Variants in KRT77 observed in about 807,000 individuals in gnomAD.
KRT77 encodes the protein keratin 77.
KRT77 carries 44 observed loss-of-function variants against 51.5 expected under a neutral mutation model. The observed-to-expected ratio is 0.85, with a 90% confidence interval of 0.67 to 1.10. KRT77 has a LOEUF of 1.10. Among genes scored for constraint, KRT77 ranks in the 50% least tolerant of loss-of-function variants. KRT77 has a pLI of 0.00. For missense variants in KRT77, 763 were observed against 743.9 expected (o/e 1.03, Z -0.30); for synonymous variants, 293 against 302.0 (o/e 0.97, Z 0.31).
chr12:52,690,791 G>A lies in KRT77; in HGVS notation c.*374C>T, dbSNP rs1295632923. 8.0e-6 allele frequency: 3 copies of A among 376,438 alleles called. No individual in the cohort carries two copies. 23.3% of individuals were successfully genotyped at this position (376,438 alleles called of 1,614,324 possible). A position where few individuals can be genotyped will look rare whatever the true frequency, so the allele number is the denominator to read the frequency against. On this transcript the variant is annotated 3_prime_UTR_variant, in exon 9 of 9. Transcript: ENST00000341809. ...TAAGGGCATTCTACTTGGAGGCAGA[G>A]GAATGATAACAATGACTTCTCCCTA...
intron 1 of KRT77, among the ~76,000 whole-genome samples, chr12:52,701,821 A>G (rs1185055154): frequency 6.6e-6 from 1 of 152,020 alleles, no homozygotes; most frequent in African/African-American, 2.4e-5. Flanking sequence ...CTCAGACAGA[A>G]CCCTACATTG....
At chr12:52,702,736 C>T (rs1941903153) in intron 1 of KRT77, among the ~76,000 whole-genome samples, 156 bp downstream of exon 1, 1 of 152,040 alleles carries the variant, frequency 6.6e-6, no homozygotes, top group Non-Finnish European at 1.5e-5. Context: ...AATTAAATCC[C>T]TGCAAGAAGA....
Position 52,700,925 on chromosome 12 carries a change from CAG to C in KRT77, c.543+1965_543+1966del, listed in dbSNP as rs137952864. Reference sequence around the variant, plus strand: ...AAAGCAGGAAGACCAGTTTGGAAAGCAGAGTCAGAAGTCACCTGTCATAGAAG... The same window carrying C: ...AAAGCAGGAAGACCAGTTTGGAAAGCAGTCAGAAGTCACCTGTCATAGAAG... On this transcript the variant is annotated intron_variant, in intron 1 of 8. Transcript: ENST00000341809. 2.7e-4 allele frequency among the ~76,000 whole-genome samples: 41 copies of C among 152,324 alleles called. No homozygotes were observed. In the East Asian group the frequency reaches 7.5e-3, roughly 28 times the overall value.
chr12:52,701,079 C>T (rs1045739051), intron 1 of KRT77, among the ~76,000 whole-genome samples: 3 of 152,234 alleles, frequency 2.0e-5, no homozygotes, highest in African/African-American at 7.2e-5. Flanking sequence ...GCCCACTGCC[C>T]TATGCCATGC....
At chr12:52,692,916 T>A (rs1230684202) in intron 5 of KRT77, 36 bp from the exon 6 acceptor site, 1 of 1,598,430 alleles carries the variant, frequency 6.3e-7, no homozygotes, top group Non-Finnish European at 8.6e-7. Context: ...CAGCATGTGC[T>A]GCCCACCACA....
chr12:52,698,813 C>G (rs529523795), intron 1 of KRT77, among the ~76,000 whole-genome samples: 1 of 152,244 alleles, frequency 6.6e-6, no homozygotes, highest in African/African-American at 2.4e-5. Context: ...CGCATGCAGG[C>G]GCACACGCCC....
At position 52,703,031 on chromosome 12, in the gene KRT77, C is replaced by T; in HGVS notation, c.404G>A (p.Gly135Asp). ...GGFGPYCPPG[G>D]IQEVTINQSL... The stretch of plus-strand genomic sequence containing the variant: ...CTGGTTAATGGTCACCTCTTGGATG[C>T]CCCCAGGAGGACAATAAGGACCAAA... Residue 135 changes from glycine (G) to aspartate (D), a missense_variant, in exon 1 of 9, where the codon GGC (glycine) becomes GAC (aspartate). Transcript: ENST00000341809. 2 of 1,613,950 alleles carry T rather than the reference C, an allele frequency of 1.2e-6. No homozygotes were observed. Among genetic ancestry groups the T allele is most frequent in the East Asian group, 2.2e-5 (1 of 44,860 alleles).
chr12:52,692,570 C>T lies in KRT77; in HGVS notation c.1278G>A (p.Gln426=), dbSNP rs1250270594. 1.4e-6 allele frequency: 2 copies of T among 1,443,718 alleles called. No homozygotes were observed. Among genetic ancestry groups the T allele is most frequent in the African/African-American group, 2.7e-5 (2 of 73,010 alleles). 89.4% of individuals were successfully genotyped at this position (1,443,718 alleles called of 1,614,324 possible). A position where few individuals can be genotyped will look rare whatever the true frequency, so the allele number is the denominator to read the frequency against. ...GGGCCTCCTCCAGGTCCTGCAGCTT[C>T]TGCCACGCATCCTGGAGGGCCTGCT... ...RGEQALQDAW[Q]KLQDLEEALQ... is the part of the protein sequence containing the mutation. The change falls in exon 7 of 9, where the codon CAG becomes CAA. Residue 426 remains glutamine (Q), a synonymous_variant. Transcript: ENST00000341809.
rs1941695193 is a variant in KRT77, at chr12:52,691,011, A to G, written c.*154T>C. On this transcript the variant is annotated 3_prime_UTR_variant, in exon 9 of 9. Coordinates refer to ENST00000341809, the MANE Select transcript of KRT77 (RefSeq NM_175078.3). ...AGAGATCTGCTGTTTGGACTTATCCACCCTGCTTCCCCCATTAGAGTCGAA... is the reference window on the plus strand; with the variant it reads ...AGAGATCTGCTGTTTGGACTTATCCGCCCTGCTTCCCCCATTAGAGTCGAA... 2.9e-6 allele frequency: 3 copies of G among 1,037,260 alleles called. No individual in the cohort carries two copies. The African/African-American group carries it at 4.7e-5, about 16-fold the overall frequency. The allele number at this position is 1,037,260 out of a possible 1,614,324, so 64.3% of individuals were successfully genotyped here.
intron 1 of KRT77, among the ~76,000 whole-genome samples, chr12:52,699,072 T>C (rs1941845117): frequency 6.6e-6 from 1 of 152,196 alleles, no homozygotes; most frequent in African/African-American, 2.4e-5. Flanking sequence ...CCATGGCTCA[T>C]TTTTGCTCAC....
rs756622914 is a variant in KRT77, at chr12:52,692,520, G to A, written c.1328C>T (p.Ala443Val). ...EALQQSKEEL[A>V]RLLRDYQAML... ...GGCCTGGTAGTCACGCAGCAGCCGGGCCAGCTCCTCCTTGGACTGCTGCAG... is the reference window on the plus strand; with the variant it reads ...GGCCTGGTAGTCACGCAGCAGCCGGACCAGCTCCTCCTTGGACTGCTGCAG... Residue 443 changes from alanine to valine, a missense_variant, in exon 7 of 9, where the codon GCC becomes GTC. By Grantham distance (64) the Ala-to-Val change is moderately conservative. Coordinates refer to ENST00000341809, the MANE Select transcript of KRT77 (RefSeq NM_175078.3). The A allele has an allele frequency of 1.2e-6, 2 of 1,614,028 alleles. No homozygotes were observed. Among genetic ancestry groups the A allele is most frequent in the Non-Finnish European group, 1.7e-6 (2 of 1,179,982 alleles).
At chr12:52,695,529 G>A (rs1829637) in intron 4 of KRT77, among the ~76,000 whole-genome samples, 38,378 of 151,974 alleles carry the variant, frequency 0.25, 5,754 homozygotes, top group East Asian at 0.58. Flanking sequence ...CATGAACCAG[G>A]GACACATTCG....
In KRT77 at chr12:52,690,777, T is replaced by C; in HGVS notation, c.*388A>G. The C allele has an allele frequency of 2.8e-6, 1 of 353,738 alleles. No homozygotes were observed. The highest frequency in any genetic ancestry group is 2.7e-5 in the South Asian group (1 of 36,772). 21.9% of individuals were successfully genotyped at this position (353,738 alleles called of 1,614,324 possible). On this transcript the variant is annotated 3_prime_UTR_variant, in exon 9 of 9. Coordinates refer to ENST00000341809, the MANE Select transcript of KRT77 (RefSeq NM_175078.3). ...CTTGAACTGGGGCATAAGGGCATTC[T>C]ACTTGGAGGCAGAGGAATGATAACA...
intron 7 of KRT77, 99 bp from the exon 8 acceptor site, chr12:52,692,071 G>A: frequency 7.6e-7 from 1 of 1,312,164 alleles, no homozygotes; most frequent in South Asian, 1.2e-5. Flanking sequence ...CCAAGCCTTA[G>A]GGAAATGTGT....
chr12:52,692,120 G>T, intron 7 of KRT77, 148 bp from the exon 8 acceptor site: 1 of 876,532 alleles, frequency 1.1e-6, no homozygotes, highest in Non-Finnish European at 1.8e-6. Context: ...GGGGCAGAGA[G>T]AAATTTCAGG....
intron 1 of KRT77, among the ~76,000 whole-genome samples, chr12:52,702,275 C>T (rs527646300): frequency 7.8e-4 from 119 of 152,168 alleles, no homozygotes; most frequent in Non-Finnish European, 1.5e-3. Context: ...GTCCTAGTCA[C>T]CTGTAGCACC....
At chr12:52,700,586 C>A (rs768048597) in intron 1 of KRT77, among the ~76,000 whole-genome samples, 22 of 152,074 alleles carry the variant, frequency 1.4e-4, no homozygotes, top group Non-Finnish European at 2.6e-4. Flanking sequence ...CAGAGGGGCA[C>A]AGGAGGCTGC....
At chr12:52,696,467 G>A (rs1441921708) in intron 2 of KRT77, 37 bp from the exon 3 acceptor site, 3 of 1,563,492 alleles carry the variant, frequency 1.9e-6, no homozygotes, top group African/African-American at 2.7e-5. Context: ...AAAGGCTGCA[G>A]GCTGACCTTG....
chr12:52,692,027 C>T, intron 7 of KRT77, 55 bp from the exon 8 acceptor site: 2 of 1,583,112 alleles, frequency 1.3e-6, no homozygotes, highest in Non-Finnish European at 8.7e-7. Flanking sequence ...GGAGAGAAGG[C>T]TGTGGCCCAC....
Sources: gnomAD v4.1 joint callset for allele counts (sites outside exome capture counted in the v4.1 genomes callset) on GRCh38, gnomAD v4.1.1 for gene constraint, MANE v1.5 for transcripts, NCBI Gene and HGNC (gene_info 2026-07-23, HGNC 2026-07-21) for gene names.